Variants in CYP4X1 observed in about 807,000 individuals in gnomAD.
CYP4X1 encodes cytochrome P450 family 4 subfamily X member 1.
Under a neutral mutation model 57.9 loss-of-function variants are expected in CYP4X1, and 44 were observed. The observed-to-expected ratio is 0.76, with a 90% CI of 0.60 to 0.98. The LOEUF (loss-of-function observed/expected upper bound fraction) is 0.98, where lower values mean the gene tolerates loss of function less well. Among genes scored for constraint, CYP4X1 ranks in the 50% least tolerant of loss-of-function variants. CYP4X1 has a pLI of 0.00. For synonymous variants in CYP4X1, 227 were observed against 228.6 expected (o/e 0.99, Z 0.06); for missense variants, 532 against 623.9 (o/e 0.85, Z 1.57).
chr1:47,049,927 G>T, intron 11 of CYP4X1, 73 bp from the exon 12 acceptor site: 6 of 1,433,624 alleles, frequency 4.2e-6, no homozygotes, highest in South Asian at 2.5e-5. Context: ...CAGACTTATT[G>T]TACTAGTATT....
At chr1:47,046,711 A>G in intron 9 of CYP4X1, 111 bp downstream of exon 9, 1 of 1,489,116 alleles carries the variant, frequency 6.7e-7, no homozygotes, top group Non-Finnish European at 9.2e-7. Flanking sequence ...AGATAATGCT[A>G]ACATGTGACT....
the CYP4X1 span, among the ~76,000 whole-genome samples, chr1:47,015,785 C>T: frequency 6.6e-6 from 1 of 152,238 alleles, no homozygotes; most frequent in South Asian, 2.1e-4. Context: ...TATGAAGTTT[C>T]TGTACCTCGC....
In CYP4X1 at chr1:47,050,118, A is replaced by G. The variant is rs1644347242; in HGVS notation, c.1474A>G (p.Ile492Val). The G allele has an allele frequency of 6.2e-7, 1 of 1,613,892 alleles. No individual in the cohort carries two copies. Among genetic ancestry groups the G allele is most frequent in the Non-Finnish European group, 8.5e-7 (1 of 1,180,014 alleles). ...GCCTCTTACTTTCCCCAACCATTTTATCCTCAAGCCCAAGAATGGGATGTA... is the reference window on the plus strand; with the variant it reads ...GCCTCTTACTTTCCCCAACCATTTTGTCCTCAAGCCCAAGAATGGGATGTA... Reference protein sequence around the residue: ...TRPLTFPNHFILKPKNGMYLH... With the variant: ...TRPLTFPNHFVLKPKNGMYLH... The change falls in exon 12 of 12, where the codon ATC becomes GTC. Residue 492 changes from isoleucine (I) to valine (V), a missense_variant. Transcript: ENST00000371901.
the CYP4X1 span, among the ~76,000 whole-genome samples, chr1:46,982,597 A>T: frequency 6.6e-6 from 1 of 152,158 alleles, no homozygotes; most frequent in Admixed American, 6.5e-5. Context: ...TTGTGGCAGG[A>T]TTCTTGTCCT....
chr1:46,988,318 C>T, the CYP4X1 span, among the ~76,000 whole-genome samples: 1 of 152,100 alleles, frequency 6.6e-6, no homozygotes, highest in Non-Finnish European at 1.5e-5. Flanking sequence ...CACATACCCC[C>T]TCCCAAGTCT....
chr1:47,042,897 G>T (rs980345718), intron 8 of CYP4X1, among the ~76,000 whole-genome samples: 1 of 152,102 alleles, frequency 6.6e-6, no homozygotes, highest in Non-Finnish European at 1.5e-5. Flanking sequence ...TTACAATTGC[G>T]AATTGTGCTG....
At chr1:46,987,594 C>A in the CYP4X1 span, among the ~76,000 whole-genome samples, 1 of 152,164 alleles carries the variant, frequency 6.6e-6, no homozygotes, top group Non-Finnish European at 1.5e-5. Context: ...CTTCTCAGCA[C>A]CACATTGCAC....
chr1:46,979,691 C>G, the CYP4X1 span, among the ~76,000 whole-genome samples: 2 of 152,166 alleles, frequency 1.3e-5, no homozygotes, highest in African/African-American at 2.4e-5. Context: ...GAATTTTAGA[C>G]CAACATCCCT....
chr1:47,051,164 A>G (rs1440829419), downstream of CYP4X1, among the ~76,000 whole-genome samples: 2 of 152,238 alleles, frequency 1.3e-5, no homozygotes, highest in African/African-American at 4.8e-5. Context: ...AGAAATGCAA[A>G]TCAAAACCAC....
Position 47,049,439 on chromosome 1 carries a change from G to GTTCT in CYP4X1, c.1291_1294dup (p.Ser432PhefsTer7). 6.2e-7 allele frequency: 1 copy of GTTCT among 1,614,008 alleles called. No homozygotes were observed. Among genetic ancestry groups the GTTCT allele is most frequent in the Middle Eastern group, 1.7e-4 (1 of 6,060 alleles). Reference sequence around the variant, plus strand: ...CATTTCAGGTCTTTGACCCCTTGAGGTTCTCTCAGGAGAATTCTGATCAGA... The same window carrying GTTCT: ...CATTTCAGGTCTTTGACCCCTTGAGGTTCTTTCTCTCAGGAGAATTCTGATCAGA... On this transcript the variant is annotated frameshift_variant, in exon 11 of 12. Transcript: ENST00000371901. LOFTEE classifies it high-confidence loss of function.
chr1:46,982,837 G>A, the CYP4X1 span, among the ~76,000 whole-genome samples: 1 of 152,280 alleles, frequency 6.6e-6, no homozygotes, highest in Admixed American at 6.5e-5. Flanking sequence ...CTCCTGGGCT[G>A]CACACTACAA....
chr1:47,040,307 C>T (rs961739048), intron 8 of CYP4X1, among the ~76,000 whole-genome samples: 2 of 152,156 alleles, frequency 1.3e-5, no homozygotes, highest in Non-Finnish European at 2.9e-5. Flanking sequence ...AAACTGTCAT[C>T]TCTATCTTGC....
chr1:47,037,881 T>C (rs1054576113), intron 6 of CYP4X1, among the ~76,000 whole-genome samples: 1 of 152,226 alleles, frequency 6.6e-6, no homozygotes, highest in African/African-American at 2.4e-5. Flanking sequence ...TTTTTCCAAA[T>C]GTTTATCCAG....
downstream of CYP4X1, among the ~76,000 whole-genome samples, chr1:47,053,122 G>C (rs947431266): frequency 5.9e-5 from 9 of 151,530 alleles, no homozygotes; most frequent in African/African-American, 2.2e-4. Context: ...CTGTGTCCAC[G>C]TGTTCTCATT....
At chr1:46,984,525 A>T in the CYP4X1 span, among the ~76,000 whole-genome samples, 25 of 151,932 alleles carry the variant, frequency 1.6e-4, no homozygotes, top group South Asian at 2.1e-4. Flanking sequence ...TCTCACTGGG[A>T]CTAGTTAGAC....
At chr1:47,020,469 C>T (rs556099885), upstream of CYP4X1, among the ~76,000 whole-genome samples, 3 of 152,344 alleles carry the variant, frequency 2.0e-5, no homozygotes, top group Middle Eastern at 6.8e-3. Flanking sequence ...GGACGGATTT[C>T]ATTACTGGCT....
chr1:46,986,078 T>C, the CYP4X1 span, among the ~76,000 whole-genome samples: 1 of 152,154 alleles, frequency 6.6e-6, no homozygotes, highest in Non-Finnish European at 1.5e-5. Flanking sequence ...TCCTCCGAGC[T>C]AAAGGAGCTT....
chr1:46,961,640 C>A, the CYP4X1 span: 1 of 1,290,128 alleles, frequency 7.8e-7, no homozygotes, highest in Non-Finnish European at 1.0e-6. Flanking sequence ...GAAGTTCCCA[C>A]CCTGCTTATC....
downstream of CYP4X1, among the ~76,000 whole-genome samples, chr1:47,051,437 C>T (rs1476875906): frequency 6.6e-6 from 1 of 151,166 alleles, no homozygotes; most frequent in African/African-American, 2.4e-5. Flanking sequence ...TATGTGGTAT[C>T]TTCCATAATC....
Sources: allele counts gnomAD v4.1 joint callset (sites outside exome capture counted in the v4.1 genomes callset), GRCh38; gene constraint gnomAD v4.1.1; transcripts MANE v1.5; gene names NCBI Gene and HGNC (gene_info 2026-07-23, HGNC 2026-07-21).